Variants in ATRX observed in about 807,000 individuals in gnomAD.
ATRX encodes chromatin remodeler ATRX.
A neutral mutation model predicts 172.6 loss-of-function variants in ATRX; 12 were observed. That is an observed-to-expected ratio of 0.07 (90% CI 0.04 to 0.11). The LOEUF is 0.11. Ranked by LOEUF, ATRX falls within the 10% of genes least tolerant of loss-of-function variation. The pLI, the probability that ATRX is intolerant of heterozygous loss-of-function variation, is 1.00. For missense variants in ATRX, 1,368 were observed against 1,767.4 expected, an observed-to-expected ratio of 0.77 and a Z score of 4.05; for synonymous variants, 674 against 594.7, an observed-to-expected ratio of 1.13 and a Z score of -1.94.
chrX:77,686,776 G>C (rs1418892570), intron 7 of ATRX, among the ~76,000 whole-genome samples: 1 of 110,782 alleles, frequency 9.0e-6, no homozygotes, highest in African/African-American at 3.3e-5. Context: ...GTATTTTCCA[G>C]ACATCTAACT....
chrX:77,756,265 G>A (rs1179152874), intron 1 of ATRX, among the ~76,000 whole-genome samples: 8 of 111,291 alleles, frequency 7.2e-5, no homozygotes, highest in African/African-American at 2.6e-4. Context: ...CAAGCCAGTG[G>A]TTCTTAGCTT....
intron 20 of ATRX, among the ~76,000 whole-genome samples, chrX:77,619,471 C>T (rs1171877492): frequency 1.8e-5 from 2 of 109,735 alleles, no homozygotes; most frequent in Non-Finnish European, 3.8e-5. Context: ...AACTGTTATT[C>T]AGTATTCAGT....
intron 1 of ATRX, among the ~76,000 whole-genome samples, chrX:77,734,048 G>A (rs925344190): frequency 7.1e-5 from 7 of 99,220 alleles, no homozygotes; most frequent in African/African-American, 2.6e-4. Flanking sequence ...CTAAAAATAC[G>A]AAAAAAAAAT....
chrX:77,687,823 A>T (rs1428637151), intron 7 of ATRX, among the ~76,000 whole-genome samples: 2 of 112,331 alleles, frequency 1.8e-5, no homozygotes, highest in Non-Finnish European at 3.8e-5. Flanking sequence ...AATTCCAAGG[A>T]AAACATGGCC....
intron 27 of ATRX, among the ~76,000 whole-genome samples, chrX:77,588,086 T>G (rs1305875722): frequency 2.7e-5 from 3 of 112,174 alleles, no homozygotes; most frequent in Non-Finnish European, 3.8e-5. Flanking sequence ...GACATATAGA[T>G]CAATGGAATA....
intron 28 of ATRX, among the ~76,000 whole-genome samples, chrX:77,572,450 C>T (rs1346891186): frequency 9.0e-6 from 1 of 111,389 alleles, no homozygotes; most frequent in Non-Finnish European, 1.9e-5. Flanking sequence ...CCAGTATATG[C>T]CTGAAGCATG....
intron 12 of ATRX, among the ~76,000 whole-genome samples, chrX:77,662,179 AT>A (rs1354173929): frequency 3.6e-5 from 4 of 111,246 alleles, no homozygotes; most frequent in Non-Finnish European, 5.7e-5. Flanking sequence ...TGGTGCTATA[AT>A]TTTTTTATAA....
intron 1 of ATRX, among the ~76,000 whole-genome samples, chrX:77,718,099 T>G (rs1231490496): frequency 9.0e-6 from 1 of 111,072 alleles, no homozygotes; most frequent in Non-Finnish European, 1.9e-5. Context: ...CAAGAAAGAT[T>G]TATACTAGCC....
intron 9 of ATRX, among the ~76,000 whole-genome samples, chrX:77,678,205 G>C (rs1249944427): frequency 3.1e-5 from 3 of 95,866 alleles, no homozygotes; most frequent in African/African-American, 1.1e-4. Flanking sequence ...CTGGGTGGCA[G>C]AGTGAGACTT....
At chrX:77,592,475 G>A (rs1189706148) in intron 26 of ATRX, among the ~76,000 whole-genome samples, 4 of 108,697 alleles carry the variant, frequency 3.7e-5, no homozygotes, top group East Asian at 2.9e-4. Context: ...CAGATGTTGG[G>A]ACCTAGCAGC....
rs1417129697 is a variant in ATRX at position 77,630,222 on chromosome X, T to G, written c.5134+2985A>C. Among the ~76,000 whole-genome samples, 5 of 112,221 alleles carry G rather than the reference T, an allele frequency of 4.5e-5. No homozygotes were observed. The Admixed American group carries it at 4.7e-4, about 11-fold the overall frequency. On this transcript the variant is annotated intron_variant, in intron 19 of 34. Coordinates refer to ENST00000373344, the MANE Select transcript of ATRX (RefSeq NM_000489.6). ...GAAATTAAAGGACCTAAATCAAATT[T>G]CATTATTAAAAGAAATTAAAGACCT...
At chrX:77,746,575 C>T (rs1557185028) in intron 1 of ATRX, among the ~76,000 whole-genome samples, 1 of 111,593 alleles carries the variant, frequency 9.0e-6, no homozygotes, top group African/African-American at 3.3e-5. Flanking sequence ...TACACACTCT[C>T]AAAATGCAAA....
At chrX:77,536,648 G>GA (rs1232152467) in intron 30 of ATRX, among the ~76,000 whole-genome samples, 2 of 111,543 alleles carry the variant, frequency 1.8e-5, no homozygotes, top group Non-Finnish European at 3.8e-5. Flanking sequence ...TGAAAATGGG[G>GA]AAAAAAATTA....
At chrX:77,666,878 T>C (rs1557126540) in intron 10 of ATRX, among the ~76,000 whole-genome samples, 1 of 111,936 alleles carries the variant, frequency 8.9e-6, no homozygotes, top group African/African-American at 3.2e-5. Flanking sequence ...AATTCATGTA[T>C]GTTTATTATA....
At chrX:77,606,891 A>G (rs1557090902) in intron 22 of ATRX, among the ~76,000 whole-genome samples, 1 of 112,295 alleles carries the variant, frequency 8.9e-6, no homozygotes, top group African/African-American at 3.2e-5. Flanking sequence ...AAACCATATA[A>G]TCATTTCAAT....
intron 1 of ATRX, 41 bp downstream of exon 1, chrX:77,785,941 G>A (rs2076731470): frequency 2.5e-6 from 3 of 1,177,703 alleles, no homozygotes; most frequent in Non-Finnish European, 2.3e-6. Context: ...CGGTGCCTGG[G>A]CCCAGACCGC....
At chrX:77,559,224 T>C (rs2064916870) in intron 28 of ATRX, among the ~76,000 whole-genome samples, 1 of 109,501 alleles carries the variant, frequency 9.1e-6, no homozygotes, top group Non-Finnish European at 1.9e-5. Flanking sequence ...TGAAGGAAAA[T>C]GCAAAAGTAG....
chrX:77,524,657 C>G (rs1247685150), intron 30 of ATRX, among the ~76,000 whole-genome samples: 1 of 110,861 alleles, frequency 9.0e-6, no homozygotes. Context: ...TTTTATCTTG[C>G]TACCCCAATA....
At chrX:77,779,091 ATTTT>A (rs1169146207) in intron 1 of ATRX, among the ~76,000 whole-genome samples, 2 of 62,779 alleles carry the variant, frequency 3.2e-5, no homozygotes, top group African/African-American at 6.5e-5. Flanking sequence ...CCATGCCCGG[ATTTT>A]TTTTTTTTTT....
Sources: allele counts gnomAD v4.1 joint callset (sites outside exome capture counted in the v4.1 genomes callset), GRCh38; gene constraint gnomAD v4.1.1; transcripts MANE v1.5; gene names NCBI Gene and HGNC (gene_info 2026-07-23, HGNC 2026-07-21).